MGST1: variants seen among roughly 807,000 people sequenced by gnomAD.
MGST1 encodes glutathione S-transferase 12.
In MGST1, 5 loss-of-function variants were observed where a neutral mutation model predicts 8.9. The ratio of observed to expected loss-of-function variants is 0.56; its 90% CI spans 0.29 to 1.19. The LOEUF (loss-of-function observed/expected upper bound fraction) is 1.19, where lower values mean the gene tolerates loss of function less well. Ranked by LOEUF, MGST1 falls within the 50% of genes most tolerant of loss-of-function variation. MGST1 has a pLI of 0.08. For synonymous variants in MGST1, 54 were observed against 67.8 expected, an observed-to-expected ratio of 0.80 and a Z score of 1.00; for missense variants, 182 against 187.4, an observed-to-expected ratio of 0.97 and a Z score of 0.17.
downstream of MGST1, among the ~76,000 whole-genome samples, chr12:16,440,358 A>T (rs1941028932): frequency 1.3e-5 from 2 of 151,634 alleles, no homozygotes; most frequent in South Asian, 4.2e-4. Flanking sequence ...CAATAATTCC[A>T]ACTTCTTAGA....
At position 16,576,208 on chromosome 12, in the gene MGST1, T is replaced by C. The variant is rs544701077; in HGVS notation, n.483-13320T>C. On this transcript the variant is annotated intron_variant and non_coding_transcript_variant, in intron 4 of 4. Transcript: ENST00000538857. The surrounding 1 kb of genome is among the most constrained non-coding windows in gnomAD (Gnocchi z 4.1). ...TTTCTATAACACAGCTCCAACCCAT[T>C]GATCCTGCTTATAACCTTCCATAGC... 5.4e-4 allele frequency among the ~76,000 whole-genome samples: 82 copies of C among 152,278 alleles called. 1 individual carries two copies. In the South Asian group the frequency reaches 0.016, roughly 30 times the overall value.
intron 4 of MGST1, among the ~76,000 whole-genome samples, chr12:16,455,868 A>C (rs760099283): frequency 6.6e-5 from 10 of 151,882 alleles, no homozygotes; most frequent in Non-Finnish European, 1.2e-4. Flanking sequence ...ATAACCATAA[A>C]ATTTTCAATA....
Position 16,513,891 on chromosome 12 carries a change from G to A in MGST1, n.483-75637G>A, listed in dbSNP as rs1941593876. 1 of 600,376 alleles carries A rather than the reference G, an allele frequency of 1.7e-6. No individual in the cohort carries two copies. The highest frequency in any genetic ancestry group is 2.0e-5 in the Admixed American group (1 of 49,038). 37.2% of individuals were successfully genotyped at this position (600,376 alleles called of 1,614,324 possible). The stretch of plus-strand genomic sequence containing the variant: ...GGGGAAGTCGCACACCCATCTTCAG[G>A]GATACTGGCATGCAGCTACAAGGTT... On this transcript the variant is annotated intron_variant and non_coding_transcript_variant, in intron 4 of 4. Transcript: ENST00000538857. The surrounding 1 kb of genome is among the most constrained non-coding windows in gnomAD (Gnocchi z 4.2).
Position 16,536,158 on chromosome 12 carries a change from A to G in MGST1, n.483-53370A>G, listed in dbSNP as rs552289820. ...TAGGGGAGTTTCTTGTCTAAAGGCC[A>G]GGAATACACTAGCTGTTTCTCTTAT... On this transcript the variant is annotated intron_variant and non_coding_transcript_variant, in intron 4 of 4. Coordinates refer to the MGST1 transcript ENST00000538857. 8.6e-5 allele frequency among the ~76,000 whole-genome samples: 13 copies of G among 151,534 alleles called. No individual in the cohort carries two copies. The East Asian group carries it at 2.3e-3, about 27-fold the overall frequency.
intron 4 of MGST1, among the ~76,000 whole-genome samples, chr12:16,521,450 T>A (rs1941647906): frequency 6.6e-6 from 1 of 152,086 alleles, no homozygotes; most frequent in East Asian, 1.9e-4. Context: ...TTGCCAAAAA[T>A]AAGACCTTAT....
chr12:16,348,818 A>G (rs899046619), intron 1 of MGST1: 1 of 151,648 alleles, frequency 6.6e-6, no homozygotes, highest in African/African-American at 2.4e-5. Flanking sequence ...AAAAAAAAAA[A>G]AAAGGCAAAT....
At chr12:16,434,938 G>A (rs866301106) in intron 1 of MGST1, among the ~76,000 whole-genome samples, 2 of 151,898 alleles carry the variant, frequency 1.3e-5, no homozygotes, top group African/African-American at 2.4e-5. Flanking sequence ...AAGGAGAAGC[G>A]ACATTTTTAG....
downstream of MGST1, among the ~76,000 whole-genome samples, chr12:16,589,814 C>T (rs1276534189): frequency 6.6e-6 from 1 of 152,040 alleles, no homozygotes; most frequent in East Asian, 1.9e-4. This position sits in a 1 kb window ranked among gnomAD's most constrained non-coding sequence, Gnocchi z 4.2. Context: ...CCAGGAAGAA[C>T]AGAGGGGGAC....
At chr12:16,475,515 T>C (rs1313834417) in intron 4 of MGST1, among the ~76,000 whole-genome samples, 3 of 152,242 alleles carry the variant, frequency 2.0e-5, no homozygotes, top group African/African-American at 7.2e-5. Context: ...GGCAATACCA[T>C]TTCTGTTTCC....
chr12:16,571,350 T>TA (rs1221182845), intron 4 of MGST1, among the ~76,000 whole-genome samples: 1 of 152,122 alleles, frequency 6.6e-6, no homozygotes, highest in Non-Finnish European at 1.5e-5. Context: ...TTGGTCACTT[T>TA]TGTTAAAGTA....
chr12:16,504,850 C>T (rs182590478), intron 4 of MGST1, among the ~76,000 whole-genome samples: 103 of 152,262 alleles, frequency 6.8e-4, no homozygotes, highest in Non-Finnish European at 7.9e-4. Flanking sequence ...CCTCAGACAA[C>T]CCATAAAAAT....
chr12:16,432,181 G>A (rs1940944215), intron 1 of MGST1, among the ~76,000 whole-genome samples: 1 of 152,066 alleles, frequency 6.6e-6, no homozygotes, highest in African/African-American at 2.4e-5. Context: ...GTATGCTGGG[G>A]TTACACATTC....
chr12:16,512,699 AGAAGCC>A (rs1941584731), intron 4 of MGST1, among the ~76,000 whole-genome samples: 1 of 152,256 alleles, frequency 6.6e-6, no homozygotes, highest in Non-Finnish European at 1.5e-5. Context: ...TGGGATAAAC[AGAAGCC>A]GTGCCCATCA....
intron 4 of MGST1, among the ~76,000 whole-genome samples, chr12:16,561,481 T>C (rs1238280874): frequency 6.6e-6 from 1 of 151,990 alleles, no homozygotes; most frequent in Non-Finnish European, 1.5e-5. Context: ...AGGAGGAAAA[T>C]ATAATGGCTC....
chr12:16,385,100 A>G (rs1008395821), intron 1 of MGST1, among the ~76,000 whole-genome samples: 4 of 152,346 alleles, frequency 2.6e-5, no homozygotes, highest in African/African-American at 4.8e-5. Flanking sequence ...ATGGATTTAG[A>G]TAGGACAGAT....
chr12:16,415,426 A>T (rs1037388883), intron 1 of MGST1, among the ~76,000 whole-genome samples: 3 of 152,162 alleles, frequency 2.0e-5, no homozygotes, highest in African/African-American at 7.2e-5. Context: ...CCACTTATGC[A>T]TGAATTTTAT....
chr12:16,451,891 TTTCCATCTTAGTG>T (rs1477070964), intron 4 of MGST1, among the ~76,000 whole-genome samples: 2 of 151,912 alleles, frequency 1.3e-5, no homozygotes, highest in African/African-American at 4.8e-5. Context: ...TTAGGCATGT[TTTCCATCTTAGTG>T]TAGGACTGCC....
At chr12:16,374,127 A>G (rs1940343195) in intron 3 of MGST1, among the ~76,000 whole-genome samples, 1 of 152,136 alleles carries the variant, frequency 6.6e-6, no homozygotes, top group Non-Finnish European at 1.5e-5. Context: ...AACGGTAGCT[A>G]AAACCATTAA....
rs1381845910 is a variant in MGST1, at chr12:16,359,511, A to C, written c.221+1812A>C. 4.6e-5 allele frequency among the ~76,000 whole-genome samples: 7 copies of C among 152,230 alleles called. No homozygotes were observed. In the East Asian group the frequency reaches 9.6e-4, roughly 21 times the overall value. ...GTGAGTCTTGAGAATGGGTTGTGTC[A>C]AGAATATGGATATAAAATAGTTTCA... On this transcript the variant is annotated intron_variant, in intron 3 of 3. Coordinates refer to ENST00000396210, the MANE Select transcript of MGST1 (RefSeq NM_020300.5).
Sources: allele counts gnomAD v4.1 joint callset (sites outside exome capture counted in the v4.1 genomes callset), GRCh38; gene constraint gnomAD v4.1.1; non-coding constraint Gnocchi (gnomAD v3.1); transcripts MANE v1.5; gene names NCBI Gene and HGNC (gene_info 2026-07-23, HGNC 2026-07-21).